UBL7: variants seen among roughly 807,000 people sequenced by gnomAD.
UBL7 encodes ubiquitin like 7.
UBL7 carries 21 observed loss-of-function variants against 41.7 expected under a neutral mutation model. The ratio of observed to expected loss-of-function variants is 0.50; its 90% CI spans 0.36 to 0.73. UBL7 has a LOEUF of 0.73. Among genes scored for constraint, UBL7 ranks in the 30% least tolerant of loss-of-function variants. The pLI, the probability that UBL7 is intolerant of heterozygous loss-of-function variation, is 0.00. For synonymous variants in UBL7, 157 were observed against 186.9 expected (o/e 0.84, Z 1.31); for missense variants, 403 against 478.4 (o/e 0.84, Z 1.47).
rs756985043 is a variant in UBL7, at chr15:74,448,550, C to A, written c.933G>T (p.Thr311=). 3.1e-6 allele frequency: 5 copies of A among 1,614,126 alleles called. No individual in the cohort carries two copies. The South Asian group carries it at 4.4e-5, about 14-fold the overall frequency. Residue 311 remains threonine (T), a synonymous_variant, in exon 10 of 11, where the codon ACG becomes ACT. Coordinates refer to ENST00000395081, the MANE Select transcript of UBL7 (RefSeq NM_032907.5). The stretch of plus-strand genomic sequence containing the variant: ...GGCTGAAGAGATCATTGGTGATGGG[C>A]GTCCCTGACTGGACACCAGAGGACA... ...SPMSSGVQSG[T]PITNDLFSQA...
intron 3 of UBL7, among the ~76,000 whole-genome samples, chr15:74,456,121 C>T (rs1375311124): frequency 7.2e-6 from 1 of 138,292 alleles, no homozygotes; most frequent in African/African-American, 2.8e-5. Flanking sequence ...AGTGAGACTC[C>T]GTCTCAGAAA....
rs868243365 is a variant in UBL7, at chr15:74,458,722, C to T, written c.146G>A (p.Gly49Asp). 6.2e-7 allele frequency: 1 copy of T among 1,614,006 alleles called. No individual in the cohort carries two copies. Among genetic ancestry groups the T allele is most frequent in the Non-Finnish European group, 8.5e-7 (1 of 1,180,026 alleles). The change falls in exon 2 of 11, where the codon GGC (glycine) becomes GAC (aspartate). Residue 49 changes from glycine (G) to aspartate (D), a missense_variant. Transcript: ENST00000395081. Reference protein sequence around the residue: ...SISFLKQLIAGKLQESVPDPE... With the variant: ...SISFLKQLIADKLQESVPDPE... ...GTCTGGAACAGACTCCTGGAGTTTG[C>T]CAGCAATAAGCTGCTTCAGAAATGA...
Position 74,451,615 on chromosome 15 carries a change from C to T in UBL7, c.388-95G>A, listed in dbSNP as rs1055807691. On this transcript the variant is annotated intron_variant, in intron 4 of 10. Transcript: ENST00000395081. ...CCAAAGGACTTCCTCCCTCTAAGTG[C>T]TTGCATGTACATCACCACAATGGAA... is the stretch of plus-strand genomic sequence containing the variant. 30 of 873,546 alleles carry T rather than the reference C, an allele frequency of 3.4e-5. No individual in the cohort carries two copies. The African/African-American group carries it at 4.8e-4, about 14-fold the overall frequency. 54.1% of individuals were successfully genotyped at this position (873,546 alleles called of 1,614,324 possible). A position where few individuals can be genotyped will look rare whatever the true frequency, so the allele number is the denominator to read the frequency against.
chr15:74,448,444 G>A (rs781113904), intron 10 of UBL7, 34 bp downstream of exon 10: 1 of 1,611,732 alleles, frequency 6.2e-7, no homozygotes, highest in Non-Finnish European at 8.5e-7. Context: ...TAACAAGGAA[G>A]CCACATGGAA....
chr15:74,448,426 A>G, intron 10 of UBL7, 52 bp downstream of exon 10: 4 of 1,608,256 alleles, frequency 2.5e-6, no homozygotes, highest in Non-Finnish European at 3.4e-6. Flanking sequence ...AAGGCTGGGC[A>G]TCCAAAATAA....
At chr15:74,454,035 G>A (rs1378332711) in intron 3 of UBL7, among the ~76,000 whole-genome samples, 5 of 152,172 alleles carry the variant, frequency 3.3e-5, no homozygotes, top group African/African-American at 7.2e-5. Flanking sequence ...GAAGTGGAAC[G>A]CAGCCAGCCC....
Position 74,446,792 on chromosome 15 carries a change from G to A in UBL7, c.1006-565C>T, listed in dbSNP as rs867858712. On this transcript the variant is annotated intron_variant, in intron 10 of 10. Transcript: ENST00000395081. The surrounding 1 kb of genome is among the most constrained non-coding windows in gnomAD (Gnocchi z 4.1). ...TTATTTAATGGCTCCTGGATACTGAGTTTCAGCCAAGAAAGCCCTTCCCTA... is the reference window on the plus strand; with the variant it reads ...TTATTTAATGGCTCCTGGATACTGAATTTCAGCCAAGAAAGCCCTTCCCTA... Among the ~76,000 whole-genome samples the A allele has an allele frequency of 6.6e-6, 1 of 152,166 alleles. No individual in the cohort carries two copies. Among genetic ancestry groups the A allele is most frequent in the South Asian group, 2.1e-4 (1 of 4,834 alleles).
At chr15:74,449,805 A>C (rs2061224058) in intron 7 of UBL7, 130 bp from the exon 8 acceptor site, 1 of 1,534,100 alleles carries the variant, frequency 6.5e-7, no homozygotes, top group Non-Finnish European at 8.9e-7. Flanking sequence ...GGACAGATGC[A>C]CTTCCTGACT....
intron 2 of UBL7, 87 bp from the exon 3 acceptor site, chr15:74,456,758 G>A: frequency 7.0e-7 from 1 of 1,420,620 alleles, no homozygotes; most frequent in Non-Finnish European, 9.7e-7. Flanking sequence ...TGATTAGATA[G>A]CTGGAGAATG....
chr15:74,449,345 C>G lies in UBL7; in HGVS notation c.723G>C (p.Arg241Ser), dbSNP rs147593058. The change falls in exon 9 of 11, where the codon AGG (arginine) becomes AGC (serine). Residue 241 changes from arginine to serine, a missense_variant. Coordinates refer to ENST00000395081, the MANE Select transcript of UBL7 (RefSeq NM_032907.5). Reference protein sequence around the residue: ...DDEDDFHPNTRSTPSSSTPSS... With the variant: ...DDEDDFHPNTSSTPSSSTPSS... ...TGGGAGTACTGCTAGAGGGTGTGGA[C>G]CTGGTGTTCTGGAGAAAGAAGACAC... The G allele has an allele frequency of 6.2e-7, 1 of 1,613,990 alleles. No homozygotes were observed.
At chr15:74,459,517 C>G (rs561479406) in intron 1 of UBL7, among the ~76,000 whole-genome samples, 5 of 149,978 alleles carry the variant, frequency 3.3e-5, no homozygotes, top group Non-Finnish European at 5.9e-5. Flanking sequence ...CGGGGTTTCA[C>G]TGTGTTAGCC....
At chr15:74,460,789 A>C (rs1596224474) in intron 1 of UBL7, 1 of 1,266,266 alleles carries the variant, frequency 7.9e-7, no homozygotes, top group Non-Finnish European at 1.0e-6. Context: ...CTGATAGAGA[A>C]GAGGAAAGAA....
intron 1 of UBL7, 96 bp downstream of exon 1, chr15:74,460,941 T>C: frequency 1.7e-6 from 2 of 1,147,522 alleles, no homozygotes; most frequent in Non-Finnish European, 2.2e-6. Context: ...TTAGCCACAT[T>C]TTAAAGATGA....
intron 4 of UBL7, 83 bp downstream of exon 4, chr15:74,452,212 TC>T: frequency 7.0e-7 from 1 of 1,437,814 alleles, no homozygotes; most frequent in Non-Finnish European, 9.4e-7. Flanking sequence ...GCAACGGGCT[TC>T]CAGCTCCCAC....
chr15:74,450,950 C>A, intron 5 of UBL7, 91 bp from the exon 6 acceptor site: 1 of 1,325,366 alleles, frequency 7.5e-7, no homozygotes, highest in Non-Finnish European at 1.1e-6. Context: ...ACCAGCTCAA[C>A]AGGGACACAG....
Position 74,458,699 on chromosome 15 carries a change from C to T in UBL7, c.169G>A (p.Asp57Asn), listed in dbSNP as rs776541746. ...AGAGACTCACCAATCAGCTCAGGGT[C>T]TGGAACAGACTCCTGGAGTTTGCCA... ...IAGKLQESVP[D>N]PELIDLIYCG... Residue 57 changes from aspartate (D) to asparagine (N), a missense_variant, in exon 2 of 11, where the codon GAC becomes AAC. Asp to Asn is a conservative substitution (Grantham distance 23). Coordinates refer to ENST00000395081, the MANE Select transcript of UBL7 (RefSeq NM_032907.5). 6.2e-7 allele frequency: 1 copy of T among 1,613,828 alleles called. No individual in the cohort carries two copies. The highest frequency in any genetic ancestry group is 1.7e-5 in the Admixed American group (1 of 60,010).
rs1037226632 is a variant in UBL7, at chr15:74,452,320, G to C, written c.363C>G (p.His121Gln). 1 of 1,559,670 alleles carries C rather than the reference G, an allele frequency of 6.4e-7. No individual in the cohort carries two copies. ...CCGCCTCCCTGTAAGAGGAGCTGCT[G>C]TGCAGGGCAGTGTGCAACACCCGGA... ...REFRVLHTALHSSSSYREAVF... is the reference protein window; with the variant it reads ...REFRVLHTALQSSSSYREAVF... Residue 121 changes from histidine to glutamine, a missense_variant, in exon 4 of 11, where the codon CAC (histidine) becomes CAG (glutamine). By Grantham distance (24) the His-to-Gln change is conservative. Transcript: ENST00000395081.
At chr15:74,454,751 T>G (rs2061279562) in intron 3 of UBL7, among the ~76,000 whole-genome samples, 1 of 152,072 alleles carries the variant, frequency 6.6e-6, no homozygotes, top group Non-Finnish European at 1.5e-5. Context: ...GGGGAAAAAT[T>G]TAAAGAAGTG....
At chr15:74,454,080 C>T (rs1456486951) in intron 3 of UBL7, among the ~76,000 whole-genome samples, 2 of 152,134 alleles carry the variant, frequency 1.3e-5, no homozygotes, top group Non-Finnish European at 2.9e-5. Flanking sequence ...CCAGGAAAAC[C>T]CCTGGTCCAT....
Sources: allele counts gnomAD v4.1 joint callset (sites outside exome capture counted in the v4.1 genomes callset), GRCh38; gene constraint gnomAD v4.1.1; non-coding constraint Gnocchi (gnomAD v3.1); transcripts MANE v1.5; gene names NCBI Gene and HGNC (gene_info 2026-07-23, HGNC 2026-07-21).